Variants in PRIMA1 observed in about 807,000 individuals in gnomAD.
PRIMA1 encodes the protein proline-rich membrane anchor 1.
In PRIMA1, 7 loss-of-function variants were observed where a neutral mutation model predicts 17.5. That is an observed-to-expected ratio of 0.40 (90% CI 0.23 to 0.75). PRIMA1 has a LOEUF of 0.75. Among genes scored for constraint, PRIMA1 ranks in the 30% least tolerant of loss-of-function variants. PRIMA1 has a pLI of 0.37. For missense variants in PRIMA1, 200 were observed against 201.8 expected (o/e 0.99, Z 0.05); for synonymous variants, 97 against 77.9 (o/e 1.25, Z -1.29).
At chr14:93,766,382 T>A (rs2141183760) in intron 3 of PRIMA1, among the ~76,000 whole-genome samples, 2 of 152,278 alleles carry the variant, frequency 1.3e-5, no homozygotes, top group Middle Eastern at 6.8e-3. Flanking sequence ...GTGAGTCACC[T>A]CAGGGTCAGG....
intron 4 of PRIMA1, among the ~76,000 whole-genome samples, chr14:93,735,833 G>A (rs1372543704): frequency 6.6e-6 from 1 of 151,956 alleles, no homozygotes; most frequent in Non-Finnish European, 1.5e-5. Flanking sequence ...GGGATTATAG[G>A]CGTGTGCCAC....
At chr14:93,784,764 GC>G (rs1239580708) in intron 2 of PRIMA1, among the ~76,000 whole-genome samples, 1 of 152,106 alleles carries the variant, frequency 6.6e-6, no homozygotes, top group Non-Finnish European at 1.5e-5. Context: ...TATGACTCTT[GC>G]CCCGGGTCCA....
intron 3 of PRIMA1, among the ~76,000 whole-genome samples, chr14:93,743,030 G>A (rs765138563): frequency 3.7e-4 from 56 of 152,204 alleles, no homozygotes; most frequent in Admixed American, 1.3e-4. Flanking sequence ...AACAGATAGC[G>A]AGTAGGTTGG....
chr14:93,734,628 G>A (rs1244057014), intron 4 of PRIMA1, among the ~76,000 whole-genome samples: 1 of 125,990 alleles, frequency 7.9e-6, no homozygotes, highest in Non-Finnish European at 1.8e-5. Context: ...CCCGCTGGAA[G>A]AAGCCCCATC....
intron 4 of PRIMA1, among the ~76,000 whole-genome samples, chr14:93,733,751 G>A (rs996261695): frequency 3.3e-5 from 5 of 152,228 alleles, no homozygotes; most frequent in African/African-American, 1.2e-4. Context: ...TGTTTCCTGA[G>A]AGAAAAGGCA....
chr14:93,734,518 C>T (rs1363407914), intron 4 of PRIMA1, among the ~76,000 whole-genome samples: 1 of 152,228 alleles, frequency 6.6e-6, no homozygotes, highest in Non-Finnish European at 1.5e-5. Context: ...TGCCTGTCTT[C>T]CTAGAGGTGC....
intron 3 of PRIMA1, among the ~76,000 whole-genome samples, chr14:93,739,385 A>G (rs944014613): frequency 1.3e-5 from 2 of 152,144 alleles, no homozygotes; most frequent in African/African-American, 4.8e-5. Flanking sequence ...GATGACCAAC[A>G]CCTAGGTTGT....
chr14:93,721,206 G>C lies in PRIMA1; in HGVS notation c.*238C>G. ...CAGGGAGGAGGATGTGGAGGGCCTG[G>C]GGTGGGGACACTGCCCAGGTGCTGC... On this transcript the variant is annotated 3_prime_UTR_variant, in exon 5 of 5. Coordinates refer to ENST00000393140, the MANE Select transcript of PRIMA1 (RefSeq NM_178013.4). 3.9e-6 allele frequency: 2 copies of C among 513,410 alleles called. No individual in the cohort carries two copies. Among genetic ancestry groups the C allele is most frequent in the Non-Finnish European group, 6.9e-6 (2 of 289,262 alleles). The allele number at this position is 513,410 out of a possible 1,614,324, so 31.8% of individuals were successfully genotyped here.
chr14:93,751,124 A>C (rs2076256832), intron 3 of PRIMA1, among the ~76,000 whole-genome samples: 1 of 152,142 alleles, frequency 6.6e-6, no homozygotes, highest in Non-Finnish European at 1.5e-5. Flanking sequence ...GGAGGCAGAA[A>C]AGCGTCACCT....
chr14:93,755,192 G>A (rs750535978), intron 3 of PRIMA1, among the ~76,000 whole-genome samples: 8 of 152,180 alleles, frequency 5.3e-5, no homozygotes, highest in Non-Finnish European at 7.3e-5. Context: ...GGAGGTAACC[G>A]ATTCCCATGT....
At chr14:93,752,359 C>A (rs1229960756) in intron 3 of PRIMA1, among the ~76,000 whole-genome samples, 10 of 152,344 alleles carry the variant, frequency 6.6e-5, no homozygotes, top group Admixed American at 5.9e-4. Flanking sequence ...GAGACCCCCC[C>A]GCCCCCGGCA....
intron 3 of PRIMA1, among the ~76,000 whole-genome samples, chr14:93,750,366 C>A (rs1037744849): frequency 1.3e-5 from 2 of 152,138 alleles, no homozygotes; most frequent in Non-Finnish European, 2.9e-5. Context: ...ATGATGATGC[C>A]ACTGCATTCT....
At chr14:93,761,410 C>A (rs1884718723) in intron 3 of PRIMA1, among the ~76,000 whole-genome samples, 1 of 152,142 alleles carries the variant, frequency 6.6e-6, no homozygotes, top group Non-Finnish European at 1.5e-5. Flanking sequence ...TAAAGCCCTG[C>A]ATGATTTTGG....
At chr14:93,775,850 C>G (rs951881915) in intron 3 of PRIMA1, among the ~76,000 whole-genome samples, 2 of 152,158 alleles carry the variant, frequency 1.3e-5, no homozygotes, top group African/African-American at 4.8e-5. Flanking sequence ...TTTGGGAAAC[C>G]ACCTCTCCCT....
At chr14:93,739,866 G>A (rs2076173999) in intron 3 of PRIMA1, among the ~76,000 whole-genome samples, 1 of 152,140 alleles carries the variant, frequency 6.6e-6, no homozygotes, top group South Asian at 2.1e-4. Flanking sequence ...AGGAGTTTGA[G>A]ACCAGCCTGA....
chr14:93,779,408 G>C, intron 2 of PRIMA1, 97 bp from the exon 3 acceptor site: 1 of 1,073,256 alleles, frequency 9.3e-7, no homozygotes, highest in Non-Finnish European at 1.3e-6. Flanking sequence ...TGCCAGGCTG[G>C]GACTTGGGAT....
At chr14:93,761,561 A>G (rs1331855880) in intron 3 of PRIMA1, among the ~76,000 whole-genome samples, 2 of 152,160 alleles carry the variant, frequency 1.3e-5, no homozygotes, top group East Asian at 3.9e-4. Context: ...CTGGAATGCT[A>G]TTCCTCGTCT....
intron 3 of PRIMA1, among the ~76,000 whole-genome samples, chr14:93,745,148 C>G (rs913053793): frequency 6.6e-6 from 1 of 152,176 alleles, no homozygotes; most frequent in Admixed American, 6.5e-5. Context: ...CCCCAGGAAG[C>G]TGGGCTTCGG....
At chr14:93,782,861 C>T (rs992046758) in intron 2 of PRIMA1, among the ~76,000 whole-genome samples, 1 of 152,208 alleles carries the variant, frequency 6.6e-6, no homozygotes, top group East Asian at 1.9e-4. Flanking sequence ...ACTTGCTAGC[C>T]TCTCTCCATC....
Sources: allele counts gnomAD v4.1 joint callset (sites outside exome capture counted in the v4.1 genomes callset), GRCh38; gene constraint gnomAD v4.1.1; transcripts MANE v1.5; gene names NCBI Gene and HGNC (gene_info 2026-07-23, HGNC 2026-07-21).